SLC22A16: variants seen among roughly 807,000 people sequenced by gnomAD.
SLC22A16 encodes solute carrier family 22 member 16.
A neutral mutation model predicts 52.9 loss-of-function variants in SLC22A16; 53 were observed. The observed-to-expected ratio is 1.00, with a 90% confidence interval of 0.80 to 1.26. The LOEUF (loss-of-function observed/expected upper bound fraction) is 1.26. SLC22A16 is among the 50% of genes most tolerant of loss of function. SLC22A16 has a pLI of 0.00. For synonymous variants in SLC22A16, 291 were observed against 268.8 expected (o/e 1.08, Z -0.81); for missense variants, 726 against 704.0 (o/e 1.03, Z -0.35).
chr6:110,467,364 G>A (rs1047962185), intron 1 of SLC22A16, among the ~76,000 whole-genome samples: 11 of 152,076 alleles, frequency 7.2e-5, no homozygotes, highest in Middle Eastern at 3.2e-3. Flanking sequence ...ATATGCAGCT[G>A]AAGTACCATT....
chr6:110,464,451 AT>A (rs1775994580), intron 1 of SLC22A16, among the ~76,000 whole-genome samples: 1 of 152,104 alleles, frequency 6.6e-6, no homozygotes, highest in Admixed American at 6.5e-5. Context: ...ACAATCAGAA[AT>A]GATAAAAGTA....
intron 1 of SLC22A16, among the ~76,000 whole-genome samples, chr6:110,461,041 C>T (rs1775860564): frequency 6.6e-6 from 1 of 152,232 alleles, no homozygotes; most frequent in Admixed American, 6.5e-5. Context: ...TGGAAGCTGG[C>T]ATTCGTGCAA....
chr6:110,436,477 T>C (rs1026191616), intron 5 of SLC22A16, among the ~76,000 whole-genome samples: 90 of 152,028 alleles, frequency 5.9e-4, no homozygotes, highest in African/African-American at 2.1e-3. Context: ...AACAAAAAAA[T>C]TAGCTGTGTG....
In SLC22A16 at chr6:110,465,100, TAAA is replaced by T; in HGVS notation, c.54-8086_54-8084del. ...GATAAAATCCAACATCCCTTCATGATAAAAAAAAAAAAAACTCAACAAACTAGG... is the reference window on the plus strand; with the variant it reads ...GATAAAATCCAACATCCCTTCATGATAAAAAAAAAAACTCAACAAACTAGG... On this transcript the variant is annotated intron_variant, in intron 1 of 7. Coordinates refer to ENST00000368919, the MANE Select transcript of SLC22A16 (RefSeq NM_033125.4). 1.5e-5 allele frequency among the ~76,000 whole-genome samples: 2 copies of T among 130,602 alleles called. 1 individual carries two copies. Among genetic ancestry groups the T allele is most frequent in the African/African-American group, 5.3e-5 (2 of 37,940 alleles). 85.7% of individuals were successfully genotyped at this position (130,602 alleles called of 152,430 possible). A position where few individuals can be genotyped will look rare whatever the true frequency, so the allele number is the denominator to read the frequency against.
chr6:110,467,189 T>C (rs1255306496), intron 1 of SLC22A16, among the ~76,000 whole-genome samples: 4 of 151,818 alleles, frequency 2.6e-5, no homozygotes, highest in Non-Finnish European at 4.4e-5. Context: ...TCTCTCTGCG[T>C]TTTTTTTCCC....
At chr6:110,425,210 T>G in intron 7 of SLC22A16, 125 bp from the exon 8 acceptor site, 1 of 1,520,752 alleles carries the variant, frequency 6.6e-7, no homozygotes, top group Non-Finnish European at 8.8e-7. Flanking sequence ...GTTGTCACTG[T>G]GATTACTCGG....
At chr6:110,425,343 A>G (rs1251210253) in intron 7 of SLC22A16, 2 of 1,404,610 alleles carry the variant, frequency 1.4e-6, no homozygotes, top group Non-Finnish European at 1.9e-6. Context: ...ATTGCCAGCT[A>G]CTGCCTGCAT....
chr6:110,466,530 A>T (rs1188828369), intron 1 of SLC22A16, among the ~76,000 whole-genome samples: 1 of 152,164 alleles, frequency 6.6e-6, no homozygotes, highest in African/African-American at 2.4e-5. Context: ...AAAAATGCTC[A>T]ATATCACTAA....
intron 4 of SLC22A16, among the ~76,000 whole-genome samples, chr6:110,441,593 G>T (rs1034747023): frequency 3.3e-5 from 5 of 152,198 alleles, no homozygotes; most frequent in Non-Finnish European, 5.9e-5. Flanking sequence ...GCTTTCTGGA[G>T]GGCCAAAGAA....
intron 1 of SLC22A16, among the ~76,000 whole-genome samples, chr6:110,469,240 C>T (rs1776178998): frequency 6.6e-6 from 1 of 152,138 alleles, no homozygotes. Context: ...ATAATACTAA[C>T]ATCTTAGGCC....
chr6:110,446,910 T>C lies in SLC22A16; in HGVS notation c.614A>G (p.Tyr205Cys), dbSNP rs1420133771. 2.5e-6 allele frequency: 4 copies of C among 1,613,764 alleles called. No individual in the cohort carries two copies. The highest frequency in any genetic ancestry group is 1.7e-5 in the Admixed American group (1 of 59,968). The change falls in exon 3 of 8, where the codon TAT (tyrosine) becomes TGT (cysteine). Residue 205 changes from tyrosine to cysteine, a missense_variant. By Grantham distance (194) the Tyr-to-Cys change is radical. Coordinates refer to ENST00000368919, the MANE Select transcript of SLC22A16 (RefSeq NM_033125.4). ...FGIAAAFAVDYYTFMAARFFL... is the reference protein window; with the variant it reads ...FGIAAAFAVDCYTFMAARFFL... ...AAAGCGAGCAGCCATGAAGGTGTAA[T>C]AATCAACTGCAAACGCCGCTGCTAT...
At chr6:110,441,472 A>C (rs1413034282) in intron 4 of SLC22A16, among the ~76,000 whole-genome samples, 3 of 152,210 alleles carry the variant, frequency 2.0e-5, no homozygotes, top group Non-Finnish European at 2.9e-5. Context: ...AGCCCAACCA[A>C]AGCAATGGTT....
intron 2 of SLC22A16, among the ~76,000 whole-genome samples, chr6:110,453,403 T>A (rs1039716718): frequency 6.6e-6 from 1 of 152,206 alleles, no homozygotes; most frequent in Non-Finnish European, 1.5e-5. Flanking sequence ...AGGCCCAAGA[T>A]GAGGGTATAC....
chr6:110,447,750 G>A (rs112272640), intron 2 of SLC22A16, among the ~76,000 whole-genome samples: 3 of 152,314 alleles, frequency 2.0e-5, no homozygotes, highest in African/African-American at 4.8e-5. Flanking sequence ...CATAAATGGA[G>A]TCAAACAATA....
At position 110,442,343 on chromosome 6, in the gene SLC22A16, C is replaced by T. The variant is rs149834139; in HGVS notation, c.1084G>A (p.Val362Ile). The stretch of plus-strand genomic sequence containing the variant: ...CTTCCAGTGAACCAGATTAGCCAAA[C>T]GGTAAGTGTCCTTTTCGTAATGCTC... Reference protein sequence around the residue: ...NWSITKRTLTVWLIWFTGSLG... With the variant: ...NWSITKRTLTIWLIWFTGSLG... The change falls in exon 4 of 8, where the codon GTT (valine) becomes ATT (isoleucine). Residue 362 changes from valine (V) to isoleucine (I), a missense_variant. Physicochemically the swap from Val to Ile is conservative, Grantham distance 29 (BLOSUM62 3). Coordinates refer to ENST00000368919, the MANE Select transcript of SLC22A16 (RefSeq NM_033125.4). 30 of 1,614,042 alleles carry T rather than the reference C, an allele frequency of 1.9e-5. No individual in the cohort carries two copies. Among genetic ancestry groups the T allele is most frequent in the East Asian group, 8.9e-5 (4 of 44,898 alleles).
At chr6:110,462,566 GTC>G (rs1416371564) in intron 1 of SLC22A16, among the ~76,000 whole-genome samples, 1 of 151,940 alleles carries the variant, frequency 6.6e-6, no homozygotes, top group Admixed American at 6.6e-5. Context: ...ATTTTAACAA[GTC>G]AAACAAAAAT....
At chr6:110,435,365 G>A (rs1774681720) in intron 6 of SLC22A16, among the ~76,000 whole-genome samples, 1 of 152,182 alleles carries the variant, frequency 6.6e-6, no homozygotes, top group Non-Finnish European at 1.5e-5. Flanking sequence ...GACATAGCAA[G>A]AGGGCACCAC....
At chr6:110,426,032 G>A (rs1774245208) in intron 7 of SLC22A16, among the ~76,000 whole-genome samples, 1 of 152,230 alleles carries the variant, frequency 6.6e-6, no homozygotes. Flanking sequence ...GAGCAAGTGT[G>A]AAGTGATGCC....
At chr6:110,438,995 A>C in intron 4 of SLC22A16, 148 bp from the exon 5 acceptor site, 1 of 963,418 alleles carries the variant, frequency 1.0e-6, no homozygotes. Context: ...GCTGCGAGGC[A>C]GCCAGCCCCG....
Sources: gnomAD v4.1 joint callset for allele counts (sites outside exome capture counted in the v4.1 genomes callset) on GRCh38, gnomAD v4.1.1 for gene constraint, MANE v1.5 for transcripts, NCBI Gene and HGNC (gene_info 2026-07-23, HGNC 2026-07-21) for gene names.